Variants in PLCG2 observed in about 807,000 individuals in gnomAD.
PLCG2 encodes the protein 1-phosphatidylinositol 4,5-bisphosphate phosphodiesterase gamma-2.
PLCG2 carries 69 observed loss-of-function variants against 175.6 expected under a neutral mutation model. The ratio of observed to expected loss-of-function variants is 0.39; its 90% CI spans 0.32 to 0.48. The LOEUF is 0.48. Among genes scored for constraint, PLCG2 ranks in the 20% least tolerant of loss-of-function variants. The probability of loss-of-function intolerance (pLI) is 0.91; values close to 1 mark genes in which losing one functional copy is unlikely to be tolerated. For synonymous variants in PLCG2, 827 were observed against 624.0 expected (o/e 1.33, Z -4.85); for missense variants, 1,798 against 1,650.9 (o/e 1.09, Z -1.54).
In PLCG2 at chr16:81,858,370, G is replaced by C. The variant is rs1303864090; in HGVS notation, c.431+14G>C. ...CATTATCGAGAGGTAGTTGGCTTTT[G>C]CCTGTTGATTTGCGTAGTTGCTGAT... On this transcript the variant is annotated intron_variant, in intron 4 of 32. Coordinates refer to ENST00000564138, the MANE Select transcript of PLCG2 (RefSeq NM_002661.5). 6.3e-7 allele frequency: 1 copy of C among 1,587,022 alleles called. No individual in the cohort carries two copies. The highest frequency in any genetic ancestry group is 8.7e-7 in the Non-Finnish European group (1 of 1,155,344).
chr16:81,957,172 G>A (rs1011053576), intron 32 of PLCG2, among the ~76,000 whole-genome samples: 11 of 152,074 alleles, frequency 7.2e-5, no homozygotes, highest in African/African-American at 9.7e-5. Flanking sequence ...GGTCGTGGGC[G>A]CCTGTAATCC....
At chr16:81,838,522 C>T (rs990673843) in intron 2 of PLCG2, among the ~76,000 whole-genome samples, 58 of 152,094 alleles carry the variant, frequency 3.8e-4, no homozygotes, top group East Asian at 1.4e-3. Context: ...GAAAACCAAA[C>T]GCCGCATGTT....
chr16:81,958,765 A>G lies in PLCG2; in HGVS notation c.*767A>G, dbSNP rs193004340. ...CCAGCTGCTGGGAGGCTCTGGCCCC[A>G]CTAGTCCCTCATGGCCCTACTGAAC... On this transcript the variant is annotated 3_prime_UTR_variant, in exon 33 of 33. Coordinates refer to ENST00000564138, the MANE Select transcript of PLCG2 (RefSeq NM_002661.5). 9.1e-5 allele frequency: 20 copies of G among 220,808 alleles called. No homozygotes were observed. Among genetic ancestry groups the G allele is most frequent in the Admixed American group, 7.5e-4 (13 of 17,360 alleles). The allele number at this position is 220,808 out of a possible 1,614,324, so 13.7% of individuals were successfully genotyped here.
chr16:81,821,064 G>A (rs1207927305), intron 2 of PLCG2, among the ~76,000 whole-genome samples: 1 of 152,026 alleles, frequency 6.6e-6, no homozygotes, highest in Non-Finnish European at 1.5e-5. Context: ...GCTAATTTTT[G>A]TATTTTTAGT....
intron 2 of PLCG2, among the ~76,000 whole-genome samples, chr16:81,836,617 T>A (rs1322686382): frequency 6.6e-6 from 1 of 152,172 alleles, no homozygotes; most frequent in African/African-American, 2.4e-5. Context: ...GGCACACTCC[T>A]TTGGTCCCAG....
intron 2 of PLCG2, among the ~76,000 whole-genome samples, chr16:81,815,372 C>G (rs1274697820): frequency 6.6e-6 from 1 of 152,162 alleles, no homozygotes; most frequent in Non-Finnish European, 1.5e-5. Flanking sequence ...GTAGCTGAGC[C>G]TCTGATTCCC....
chr16:81,919,003 C>G (rs1314677122), intron 19 of PLCG2, among the ~76,000 whole-genome samples: 2 of 151,960 alleles, frequency 1.3e-5, no homozygotes, highest in Non-Finnish European at 2.9e-5. Flanking sequence ...TGTGAAGGAC[C>G]ACAGAGTGAA....
intron 13 of PLCG2, among the ~76,000 whole-genome samples, chr16:81,896,645 C>A (rs952037702): frequency 6.6e-6 from 1 of 152,172 alleles, no homozygotes; most frequent in South Asian, 2.1e-4. Context: ...AATTCCCCTT[C>A]TGTCCTAATT....
At chr16:81,885,791 C>G (rs1010139366) in intron 9 of PLCG2, among the ~76,000 whole-genome samples, 4 of 152,034 alleles carry the variant, frequency 2.6e-5, no homozygotes, top group African/African-American at 4.8e-5. Flanking sequence ...ACTGAGGGCT[C>G]AGGAAAGGGT....
intron 2 of PLCG2, among the ~76,000 whole-genome samples, chr16:81,771,782 G>C (rs1377481214): frequency 6.9e-6 from 1 of 145,052 alleles, no homozygotes; most frequent in African/African-American, 2.6e-5. Flanking sequence ...GTTTTTGTTT[G>C]CTTGTTTGTT....
intron 9 of PLCG2, among the ~76,000 whole-genome samples, chr16:81,883,936 C>A (rs1368380843): frequency 6.6e-6 from 1 of 152,194 alleles, no homozygotes; most frequent in Non-Finnish European, 1.5e-5. Flanking sequence ...TGGGCAGTGT[C>A]CAGAGACGAC....
In PLCG2 at chr16:81,785,852, A is replaced by C. The variant is rs893488360; in HGVS notation, c.-47-91A>C. On this transcript the variant is annotated intron_variant, in intron 1 of 32. Transcript: ENST00000564138. Reference sequence around the variant, plus strand: ...CCTAAAACTCATCCTGATTGACATGAGACAGGATTTTGGTTCCTGAAGTTC... The same window carrying C: ...CCTAAAACTCATCCTGATTGACATGCGACAGGATTTTGGTTCCTGAAGTTC... 8 of 748,066 alleles carry C rather than the reference A, an allele frequency of 1.1e-5. No homozygotes were observed. The Admixed American group carries it at 1.2e-4, about 12-fold the overall frequency. 46.3% of individuals were successfully genotyped at this position (748,066 alleles called of 1,614,324 possible).
At chr16:81,858,714 C>T (rs933715209) in intron 4 of PLCG2, among the ~76,000 whole-genome samples, 1 of 152,170 alleles carries the variant, frequency 6.6e-6, no homozygotes, top group Non-Finnish European at 1.5e-5. Flanking sequence ...TGGAATTTTC[C>T]ACCTATCACT....
intron 13 of PLCG2, chr16:81,897,839 C>T (rs1486135776): frequency 3.5e-5 from 16 of 455,730 alleles, no homozygotes; most frequent in Non-Finnish European, 4.4e-5. Context: ...GCCACCGTGC[C>T]CAACCCGATT....
chr16:81,768,156 G>A (rs771885713), intron 2 of PLCG2, among the ~76,000 whole-genome samples: 2 of 152,112 alleles, frequency 1.3e-5, no homozygotes, highest in African/African-American at 4.8e-5. Context: ...GATTATAGGC[G>A]TGAGCCACCA....
intron 31 of PLCG2, among the ~76,000 whole-genome samples, chr16:81,952,282 C>T (rs977128053): frequency 3.3e-5 from 5 of 152,040 alleles, no homozygotes; most frequent in East Asian, 3.9e-4. Context: ...TATATTCACA[C>T]GTAGATGAAT....
At chr16:81,891,027 G>T (rs1908606256) in intron 10 of PLCG2, among the ~76,000 whole-genome samples, 2 of 152,114 alleles carry the variant, frequency 1.3e-5, no homozygotes, top group Non-Finnish European at 2.9e-5. Context: ...GCCTGGTGTG[G>T]TGGTGCACGC....
chr16:81,747,501 C>G (rs1909728080), intron 1 of PLCG2, among the ~76,000 whole-genome samples: 1 of 152,110 alleles, frequency 6.6e-6, no homozygotes, highest in Non-Finnish European at 1.5e-5. Flanking sequence ...TGCCCCTGCA[C>G]TCCAGCCTGG....
At position 81,947,619 on chromosome 16, in the gene PLCG2, GTTTACTCATAAAACCTTTGCTGA is replaced by G. The variant is rs1239121739; in HGVS notation, c.3570+1357_3570+1379del. 2.0e-5 allele frequency among the ~76,000 whole-genome samples: 3 copies of G among 152,326 alleles called. No homozygotes were observed. The East Asian group carries it at 5.8e-4, about 29-fold the overall frequency. On this transcript the variant is annotated intron_variant, in intron 31 of 32. Transcript: ENST00000564138. ...TTGATCCAGTAAGGGCTAAGATGGA[GTTTACTCATAAAACCTTTGCTGA>G]GATAGAGTTTACAGCCCCAGAAAAC...
Sources: gnomAD v4.1 joint callset for allele counts (sites outside exome capture counted in the v4.1 genomes callset) on GRCh38, gnomAD v4.1.1 for gene constraint, MANE v1.5 for transcripts, NCBI Gene and HGNC (gene_info 2026-07-23, HGNC 2026-07-21) for gene names.